Variants in CHRM3 observed in about 807,000 individuals in gnomAD.
CHRM3 encodes the protein muscarinic acetylcholine receptor M3.
A neutral mutation model predicts 41.8 loss-of-function variants in CHRM3; 11 were observed. The observed-to-expected ratio is 0.26, with a 90% CI of 0.17 to 0.44. The LOEUF is 0.44. CHRM3 is among the 20% of genes least tolerant of loss of function. The probability of loss-of-function intolerance (pLI) is 1.00; values close to 1 mark genes in which losing one functional copy is unlikely to be tolerated. For synonymous variants in CHRM3, 297 were observed against 301.4 expected (o/e 0.99, Z 0.15); for missense variants, 571 against 745.4 (o/e 0.77, Z 2.72).
At chr1:239,782,039 A>G (rs1338766815) in intron 5 of CHRM3, among the ~76,000 whole-genome samples, 4 of 152,132 alleles carry the variant, frequency 2.6e-5, no homozygotes, top group African/African-American at 7.2e-5. Context: ...GGACTTTTGC[A>G]TCTATGTTCT....
chr1:239,560,831 T>A (rs911258421), intron 3 of CHRM3, among the ~76,000 whole-genome samples: 1 of 152,096 alleles, frequency 6.6e-6, no homozygotes, highest in African/African-American at 2.4e-5. Context: ...GCCTAACAAG[T>A]GGCTCTAAAT....
chr1:239,660,922 A>G (rs1268958391), intron 4 of CHRM3, among the ~76,000 whole-genome samples: 5 of 152,146 alleles, frequency 3.3e-5, no homozygotes, highest in South Asian at 2.1e-4. Context: ...AAGACTTCTT[A>G]TATGTCACAT....
intron 4 of CHRM3, among the ~76,000 whole-genome samples, chr1:239,665,596 G>A (rs1431147167): frequency 2.0e-5 from 3 of 152,006 alleles, no homozygotes; most frequent in East Asian, 1.9e-4. Context: ...AGGTATACAC[G>A]TGCCATGGTG....
chr1:239,481,808 A>G (rs574945347), intron 1 of CHRM3, among the ~76,000 whole-genome samples: 1 of 152,224 alleles, frequency 6.6e-6, no homozygotes, highest in Admixed American at 6.5e-5. Context: ...AGAGATGGAG[A>G]GGGAGAAAAG....
At chr1:239,415,176 C>T (rs886517453) in intron 1 of CHRM3, among the ~76,000 whole-genome samples, 13 of 152,088 alleles carry the variant, frequency 8.5e-5, no homozygotes, top group Non-Finnish European at 1.3e-4. Flanking sequence ...CAACCTGGTG[C>T]GGTGGCTCAT....
intron 5 of CHRM3, among the ~76,000 whole-genome samples, chr1:239,792,854 CAT>C (rs1486784462): frequency 1.3e-5 from 2 of 152,200 alleles, no homozygotes; most frequent in Non-Finnish European, 2.9e-5. Context: ...CTGAGTGACA[CAT>C]GTGTGATTTG....
intron 5 of CHRM3, among the ~76,000 whole-genome samples, chr1:239,806,286 A>T (rs1423614480): frequency 2.0e-5 from 3 of 152,120 alleles, no homozygotes; most frequent in African/African-American, 4.8e-5. Context: ...AGCCACTTGC[A>T]CTTCCAGGTG....
intron 5 of CHRM3, among the ~76,000 whole-genome samples, chr1:239,808,388 G>A (rs1380679857): frequency 6.6e-6 from 1 of 152,062 alleles, no homozygotes; most frequent in East Asian, 1.9e-4. Context: ...GATTCATGTT[G>A]GACATACGAA....
chr1:239,609,177 C>T (rs1666708333), intron 3 of CHRM3, among the ~76,000 whole-genome samples: 1 of 152,134 alleles, frequency 6.6e-6, no homozygotes, highest in East Asian at 1.9e-4. Flanking sequence ...ACCAGGCAAC[C>T]ATAGATATGC....
At chr1:239,641,089 T>G (rs1237355756) in intron 4 of CHRM3, among the ~76,000 whole-genome samples, 1 of 152,238 alleles carries the variant, frequency 6.6e-6, no homozygotes, top group Non-Finnish European at 1.5e-5. Context: ...GTGAGTTTCT[T>G]AATCCTGACT....
At chr1:239,832,700 A>G (rs1475853368) in intron 6 of CHRM3, among the ~76,000 whole-genome samples, 1 of 152,060 alleles carries the variant, frequency 6.6e-6, no homozygotes, top group Admixed American at 6.6e-5. Context: ...CCTAGATCCA[A>G]TACTTGTTTA....
chr1:239,601,815 T>C (rs1665575066), intron 3 of CHRM3, among the ~76,000 whole-genome samples: 1 of 152,112 alleles, frequency 6.6e-6, no homozygotes, highest in Non-Finnish European at 1.5e-5. Context: ...CTGTGCTTTT[T>C]ATATAAATTT....
chr1:239,821,193 A>G (rs547765168), intron 5 of CHRM3, among the ~76,000 whole-genome samples: 5 of 152,340 alleles, frequency 3.3e-5, no homozygotes, highest in Admixed American at 2.6e-4. Context: ...TGTTAACTCT[A>G]TGGTGTTTCC....
intron 1 of CHRM3, among the ~76,000 whole-genome samples, chr1:239,483,011 G>A (rs1364898878): frequency 6.6e-6 from 1 of 152,146 alleles, no homozygotes; most frequent in African/African-American, 2.4e-5. Flanking sequence ...AATCGAGTTT[G>A]TAAAAGACAC....
At chr1:239,703,756 C>T (rs1342093497) in intron 5 of CHRM3, 4 of 152,042 alleles carry the variant, frequency 2.6e-5, no homozygotes. Context: ...CTTGAACACC[C>T]ACTCTGTGTC....
At position 239,723,974 on chromosome 1, in the gene CHRM3, A is replaced by C. The variant is rs571040913; in HGVS notation, c.-147+45686A>C. 5.9e-5 allele frequency among the ~76,000 whole-genome samples: 9 copies of C among 152,024 alleles called. 1 individual carries two copies. The South Asian group carries it at 1.9e-3, about 32-fold the overall frequency. ...AACAAACTTCATTTTGTGAATGGGT[A>C]TATTTTGGCCCTGAGCTGACATTCA... is the stretch of plus-strand genomic sequence containing the variant. On this transcript the variant is annotated intron_variant, in intron 5 of 6. Transcript: ENST00000676153.
At chr1:239,565,567 T>C (rs1661278738) in intron 3 of CHRM3, among the ~76,000 whole-genome samples, 1 of 152,138 alleles carries the variant, frequency 6.6e-6, no homozygotes, top group Non-Finnish European at 1.5e-5. Flanking sequence ...TCGGCAAAAA[T>C]AGATTTCTTT....
At chr1:239,465,926 C>G (rs1665693179) in intron 1 of CHRM3, among the ~76,000 whole-genome samples, 1 of 152,148 alleles carries the variant, frequency 6.6e-6, no homozygotes, top group Non-Finnish European at 1.5e-5. Context: ...TCCTCTTCCT[C>G]CTCGGCCTAC....
intron 5 of CHRM3, among the ~76,000 whole-genome samples, chr1:239,787,195 T>C (rs1238480256): frequency 6.6e-6 from 1 of 152,162 alleles, no homozygotes; most frequent in Non-Finnish European, 1.5e-5. Context: ...TAATTTTAGA[T>C]TTCTGAAGTC....
Sources: allele counts gnomAD v4.1 joint callset (sites outside exome capture counted in the v4.1 genomes callset), GRCh38; gene constraint gnomAD v4.1.1; transcripts MANE v1.5; gene names NCBI Gene and HGNC (gene_info 2026-07-23, HGNC 2026-07-21).